Variants in PGBD5 observed in about 807,000 individuals in gnomAD.
PGBD5 encodes piggyBac transposable element derived 5.
Under a neutral mutation model 47.9 loss-of-function variants are expected in PGBD5, and 14 were observed. The ratio of observed to expected loss-of-function variants is 0.29; its 90% CI spans 0.19 to 0.46. The LOEUF is 0.46. Among genes scored for constraint, PGBD5 ranks in the 20% least tolerant of loss-of-function variants. PGBD5 has a pLI of 1.00. For synonymous variants in PGBD5, 316 were observed against 306.3 expected (o/e 1.03, Z -0.33); for missense variants, 635 against 716.0 (o/e 0.89, Z 1.29).
chr1:230,376,908 A>G (rs1017124677), intron 1 of PGBD5, among the ~76,000 whole-genome samples: 1 of 152,230 alleles, frequency 6.6e-6, no homozygotes, highest in Admixed American at 6.5e-5. Flanking sequence ...AGACTGTCAG[A>G]AGGAGGCCTG....
chr1:230,368,763 C>T (rs76381237), intron 1 of PGBD5, among the ~76,000 whole-genome samples: 11,694 of 151,892 alleles, frequency 0.077, 630 homozygotes, highest in African/African-American at 0.15. Flanking sequence ...GAAGTACAGG[C>T]AGGTCCTGCC....
chr1:230,404,222 T>C (rs1657214198), intron 1 of PGBD5, among the ~76,000 whole-genome samples: 1 of 151,998 alleles, frequency 6.6e-6, no homozygotes, highest in Non-Finnish European at 1.5e-5. Context: ...TGAGAAAACA[T>C]GCACACCAGC....
intron 5 of PGBD5, among the ~76,000 whole-genome samples, chr1:230,326,817 T>G (rs569564747): frequency 1.3e-5 from 2 of 152,286 alleles, no homozygotes; most frequent in East Asian, 3.9e-4. Context: ...GTTGTCCTTT[T>G]CAACCCTCCC....
rs1019956172 is a variant in PGBD5, at chr1:230,318,227, G to A, written c.*5198C>T. On this transcript the variant is annotated 3_prime_UTR_variant, in exon 7 of 7. Transcript: ENST00000391860. ...GGCAACAGCTCTAAGTGCCACTTTGGTACCTGATACTCTTTATTTCTTATT... is the reference window on the plus strand; with the variant it reads ...GGCAACAGCTCTAAGTGCCACTTTGATACCTGATACTCTTTATTTCTTATT... 6.6e-6 allele frequency: 1 copy of A among 152,182 alleles called. No individual in the cohort carries two copies. The highest frequency in any genetic ancestry group is 1.9e-4 in the East Asian group (1 of 5,184). 9.4% of individuals were successfully genotyped at this position (152,182 alleles called of 1,614,324 possible).
intron 1 of PGBD5, among the ~76,000 whole-genome samples, chr1:230,406,576 A>C (rs974569631): frequency 2.3e-4 from 35 of 152,178 alleles, no homozygotes; most frequent in African/African-American, 8.0e-4. Flanking sequence ...TTAAGTAATA[A>C]TACAAGACAG....
chr1:230,366,454 CCAG>C (rs1667835420), intron 1 of PGBD5, among the ~76,000 whole-genome samples: 1 of 152,108 alleles, frequency 6.6e-6, no homozygotes, highest in African/African-American at 2.4e-5. Context: ...GCCTATCTAC[CCAG>C]CCTTATTTAC....
chr1:230,378,665 A>G (rs753063265), intron 1 of PGBD5, among the ~76,000 whole-genome samples: 1 of 152,162 alleles, frequency 6.6e-6, no homozygotes, highest in Non-Finnish European at 1.5e-5. Flanking sequence ...AAATGCCCCC[A>G]TAAAAGCTCT....
chr1:230,402,059 G>A (rs1657151102), intron 1 of PGBD5, among the ~76,000 whole-genome samples: 1 of 152,194 alleles, frequency 6.6e-6, no homozygotes, highest in African/African-American at 2.4e-5. Context: ...GGGGAGAGAA[G>A]GCAGTTTTGC....
intron 1 of PGBD5, among the ~76,000 whole-genome samples, chr1:230,362,956 C>T (rs1161609007): frequency 6.6e-6 from 1 of 152,066 alleles, no homozygotes; most frequent in Non-Finnish European, 1.5e-5. Context: ...GTACAGTGGG[C>T]ACACCTCTCG....
chr1:230,382,812 T>C (rs1403467074), intron 1 of PGBD5, among the ~76,000 whole-genome samples: 1 of 152,090 alleles, frequency 6.6e-6, no homozygotes, highest in Non-Finnish European at 1.5e-5. Flanking sequence ...ATATACTGTC[T>C]TGAGGTTACA....
At chr1:230,326,895 C>T (rs1252309787) in intron 5 of PGBD5, among the ~76,000 whole-genome samples, 1 of 152,146 alleles carries the variant, frequency 6.6e-6, no homozygotes, top group Non-Finnish European at 1.5e-5. Context: ...ACACCTTTTC[C>T]TCTACTAAGT....
chr1:230,394,133 G>A (rs1325804404), intron 1 of PGBD5, among the ~76,000 whole-genome samples: 5 of 152,084 alleles, frequency 3.3e-5, no homozygotes, highest in African/African-American at 1.2e-4. Flanking sequence ...TATCTCCCTG[G>A]AGATCAGCCA....
At chr1:230,325,162 G>C (rs985783843) in intron 6 of PGBD5, 148 bp downstream of exon 6, 3 of 645,748 alleles carry the variant, frequency 4.6e-6, no homozygotes, top group Non-Finnish European at 8.1e-6. Flanking sequence ...AGGCCCAGAA[G>C]CCCAGGCTGA....
chr1:230,370,777 ACG>A (rs1362645713), intron 1 of PGBD5, among the ~76,000 whole-genome samples: 3 of 152,196 alleles, frequency 2.0e-5, no homozygotes, highest in Admixed American at 2.0e-4. Context: ...CACAGCCTCA[ACG>A]CACATGGCTA....
At chr1:230,349,486 G>A (rs1260271369) in intron 3 of PGBD5, among the ~76,000 whole-genome samples, 2 of 130,976 alleles carry the variant, frequency 1.5e-5, no homozygotes, top group South Asian at 2.6e-4. Context: ...AGTAAACTAT[G>A]ATCATGCTGC....
intron 3 of PGBD5, among the ~76,000 whole-genome samples, chr1:230,342,786 G>A (rs1156413554): frequency 6.6e-6 from 1 of 152,146 alleles, no homozygotes; most frequent in African/African-American, 2.4e-5. Context: ...ACATAGAAGT[G>A]ATTTTTTAAT....
At chr1:230,391,189 G>T (rs1427127672) in intron 1 of PGBD5, among the ~76,000 whole-genome samples, 1 of 152,132 alleles carries the variant, frequency 6.6e-6, no homozygotes. Context: ...CTACCAGCCT[G>T]TCGCTGTGGC....
intron 3 of PGBD5, among the ~76,000 whole-genome samples, chr1:230,341,355 C>T (rs544859416): frequency 5.8e-4 from 89 of 152,218 alleles, no homozygotes; most frequent in Non-Finnish European, 1.1e-3. Context: ...GACAGAATAA[C>T]GTCAGTGGTC....
intron 4 of PGBD5, 133 bp from the exon 5 acceptor site, chr1:230,333,174 T>C: frequency 1.2e-6 from 1 of 868,696 alleles, no homozygotes; most frequent in East Asian, 2.7e-5. Flanking sequence ...TCAGACCCTC[T>C]AGAGACCCCT....
Sources: gnomAD v4.1 joint callset for allele counts (sites outside exome capture counted in the v4.1 genomes callset) on GRCh38, gnomAD v4.1.1 for gene constraint, MANE v1.5 for transcripts, NCBI Gene and HGNC (gene_info 2026-07-23, HGNC 2026-07-21) for gene names.